CWF19L2: variants seen among roughly 807,000 people sequenced by gnomAD.
CWF19L2 encodes the protein CWF19 like cell cycle control factor 2, also known as CWF19-like protein 2.
A neutral mutation model predicts 111.7 loss-of-function variants in CWF19L2; 98 were observed. That is an observed-to-expected ratio of 0.88 (90% CI 0.75 to 1.04). The LOEUF (loss-of-function observed/expected upper bound fraction) is 1.04. CWF19L2 is among the 50% of genes least tolerant of loss of function. The pLI, the probability that CWF19L2 is intolerant of heterozygous loss-of-function variation, is 0.00. For missense variants in CWF19L2, 1,101 were observed against 1,051.4 expected, an observed-to-expected ratio of 1.05 and a Z score of -0.65; for synonymous variants, 351 against 342.9, an observed-to-expected ratio of 1.02 and a Z score of -0.26.
chr11:107,455,108 T>C (rs916260040), intron 2 of CWF19L2, among the ~76,000 whole-genome samples: 4 of 152,146 alleles, frequency 2.6e-5, no homozygotes, highest in African/African-American at 9.7e-5. Flanking sequence ...CTATTACTGA[T>C]GACCACATTT....
At chr11:107,336,496 A>G (rs2134524447) in intron 15 of CWF19L2, 62 bp downstream of exon 15, 2 of 1,285,698 alleles carry the variant, frequency 1.6e-6, no homozygotes, top group Non-Finnish European at 2.2e-6. Flanking sequence ...AAAGACAACA[A>G]TATTTGTAAA....
At chr11:107,405,383 A>C (rs1591186320) in intron 10 of CWF19L2, among the ~76,000 whole-genome samples, 1 of 152,274 alleles carries the variant, frequency 6.6e-6, no homozygotes, top group East Asian at 1.9e-4. Context: ...ATTCAAAATC[A>C]CTTTATTGAT....
chr11:107,445,986 T>C (rs1457628800), intron 3 of CWF19L2, among the ~76,000 whole-genome samples: 2 of 152,220 alleles, frequency 1.3e-5, no homozygotes, highest in Admixed American at 1.3e-4. Context: ...TTCTTTCCTG[T>C]TATCTGGACT....
At chr11:107,365,143 A>G (rs1467814148) in intron 12 of CWF19L2, among the ~76,000 whole-genome samples, 1 of 141,806 alleles carries the variant, frequency 7.1e-6, no homozygotes, top group Non-Finnish European at 1.5e-5. Flanking sequence ...GAATCTCTGA[A>G]TAGACCAATA....
chr11:107,343,466 T>C (rs1305083693), intron 14 of CWF19L2, among the ~76,000 whole-genome samples: 1 of 152,172 alleles, frequency 6.6e-6, no homozygotes, highest in Admixed American at 6.5e-5. Context: ...TTTTCCAACC[T>C]TTTATATTAT....
rs559203930 is a variant in CWF19L2, at chr11:107,339,597, T to C, written c.2203-2884A>G. On this transcript the variant is annotated intron_variant, in intron 14 of 17. Transcript: ENST00000282251. ...GGCCAATGATATTAAATATCATTTT[T>C]ATATGCTTATTTGCCATCTATTAAT... 3.3e-5 allele frequency among the ~76,000 whole-genome samples: 5 copies of C among 152,244 alleles called. No individual in the cohort carries two copies. In the East Asian group the frequency reaches 7.7e-4, roughly 23 times the overall value.
intron 10 of CWF19L2, among the ~76,000 whole-genome samples, chr11:107,402,464 C>A (rs979781179): frequency 2.4e-4 from 37 of 151,296 alleles, no homozygotes; most frequent in African/African-American, 8.7e-4. Context: ...AAATGGCCAA[C>A]AAACATATGA....
chr11:107,369,740 A>T (rs982220266), intron 12 of CWF19L2, among the ~76,000 whole-genome samples: 1 of 138,628 alleles, frequency 7.2e-6, no homozygotes, highest in Non-Finnish European at 1.6e-5. Flanking sequence ...TTATTTTTCA[A>T]AGTGGAACTA....
intron 12 of CWF19L2, among the ~76,000 whole-genome samples, chr11:107,387,700 G>C (rs1860790800): frequency 6.6e-6 from 1 of 152,018 alleles, no homozygotes; most frequent in Non-Finnish European, 1.5e-5. Flanking sequence ...CTTGTAAGGG[G>C]GTGTGTAACC....
At chr11:107,390,001 CA>C (rs1565264878) in intron 12 of CWF19L2, 72 bp downstream of exon 12, 1 of 1,305,998 alleles carries the variant, frequency 7.7e-7, no homozygotes. Context: ...CAGATCTCTC[CA>C]AAAAGCAGAT....
intron 4 of CWF19L2, among the ~76,000 whole-genome samples, chr11:107,442,544 G>A (rs569588300): frequency 0.45 from 266 of 590 alleles, no homozygotes; most frequent in Middle Eastern, 0.5. Flanking sequence ...TTAGCCAGGC[G>A]TGGTGGGCAC....
rs1184321525 is a variant in CWF19L2 at position 107,376,163 on chromosome 11, A to G, written c.1872+13911T>C. ...AAAGAGTCCAGGACCAGATGGATTC[A>G]CAGCCAAATTCTACCAGAGGTACAA... is the stretch of plus-strand genomic sequence containing the variant. On this transcript the variant is annotated intron_variant, in intron 12 of 17. Coordinates refer to ENST00000282251, the MANE Select transcript of CWF19L2 (RefSeq NM_152434.3). 1.6e-5 allele frequency among the ~76,000 whole-genome samples: 2 copies of G among 128,856 alleles called. 1 individual carries two copies. Among genetic ancestry groups the G allele is most frequent in the African/African-American group, 6.5e-5 (2 of 30,844 alleles). 84.5% of individuals were successfully genotyped at this position (128,856 alleles called of 152,430 possible).
chr11:107,328,777 G>T (rs889246711), intron 17 of CWF19L2, among the ~76,000 whole-genome samples: 20 of 151,820 alleles, frequency 1.3e-4, no homozygotes, highest in Middle Eastern at 3.4e-3. Context: ...TAGAGCTTTT[G>T]GTTATAAAGC....
Position 107,439,614 on chromosome 11 carries a change from C to T in CWF19L2, c.571-431G>A, listed in dbSNP as rs572330324. Among the ~76,000 whole-genome samples, 8 of 152,220 alleles carry T rather than the reference C, an allele frequency of 5.3e-5. No individual in the cohort carries two copies. The South Asian group carries it at 6.2e-4, about 12-fold the overall frequency. On this transcript the variant is annotated intron_variant, in intron 5 of 17. Transcript: ENST00000282251. The stretch of plus-strand genomic sequence containing the variant: ...AGTCCAAGGATGAGCATAAATTAAC[C>T]GCATTTTCTTTTTTTGTAGGGTAGG...
rs201724585 is a variant in CWF19L2, at chr11:107,348,922, A to G, written c.2202+15T>C. On this transcript the variant is annotated intron_variant, in intron 14 of 17. Transcript: ENST00000282251. Reference sequence around the variant, plus strand: ...CATGAGTTTTAAAATGATAATGAACATTTATTATGCTGACCTGGATCTCCT... The same window carrying G: ...CATGAGTTTTAAAATGATAATGAACGTTTATTATGCTGACCTGGATCTCCT... 2.8e-4 allele frequency: 416 copies of G among 1,459,930 alleles called. 3 individuals carry two copies. The highest frequency in any genetic ancestry group is 2.7e-3 in the Middle Eastern group (15 of 5,638). The allele number at this position is 1,459,930 out of a possible 1,614,324, so 90.4% of individuals were successfully genotyped here. A position where few individuals can be genotyped will look rare whatever the true frequency, so the allele number is the denominator to read the frequency against.
intron 15 of CWF19L2, 34 bp downstream of exon 15, chr11:107,336,524 A>G: frequency 6.5e-7 from 1 of 1,534,606 alleles, no homozygotes; most frequent in Admixed American, 2.1e-5. Flanking sequence ...TATAGCAAAA[A>G]ATAAGTGTAT....
At chr11:107,350,485 A>C (rs1305455746) in intron 13 of CWF19L2, among the ~76,000 whole-genome samples, 1 of 152,150 alleles carries the variant, frequency 6.6e-6, no homozygotes, top group South Asian at 2.1e-4. Flanking sequence ...TGCCACTTCC[A>C]CCATGTAACG....
At chr11:107,434,072 A>G (rs891208614) in intron 6 of CWF19L2, among the ~76,000 whole-genome samples, 6 of 151,834 alleles carry the variant, frequency 4.0e-5, no homozygotes, top group Non-Finnish European at 8.8e-5. Context: ...ATAAAAAGAT[A>G]TAATGGACTC....
Position 107,349,034 on chromosome 11 carries a change from T to C in CWF19L2, c.2105A>G (p.Asn702Ser), listed in dbSNP as rs142799271. The C allele has an allele frequency of 3.6e-5, 58 of 1,602,042 alleles. No individual in the cohort carries two copies. Among genetic ancestry groups the C allele is most frequent in the Non-Finnish European group, 4.8e-5 (56 of 1,171,256 alleles). The change falls in exon 14 of 18, where the codon AAC becomes AGC. Residue 702 changes from asparagine to serine, a missense_variant. Physicochemically the swap from Asn to Ser is conservative, Grantham distance 46. Transcript: ENST00000282251. Reference protein sequence around the residue: ...IGVKVYLCLPNVRSLTEGHCL... With the variant: ...IGVKVYLCLPSVRSLTEGHCL... ...GTGCCCCTCAGTAAGAGACCGTACG[T>C]TGGGTAAACATAAATAAACCTATAA...
Sources: allele counts gnomAD v4.1 joint callset (sites outside exome capture counted in the v4.1 genomes callset), GRCh38; gene constraint gnomAD v4.1.1; transcripts MANE v1.5; gene names NCBI Gene and HGNC (gene_info 2026-07-23, HGNC 2026-07-21).